The following STAU1 variants were observed in gnomAD, a reference collection of about 807,000 sequenced individuals.
STAU1 encodes the protein staufen double-stranded RNA binding protein 1.
A neutral mutation model predicts 62.9 loss-of-function variants in STAU1; 13 were observed. The observed-to-expected ratio is 0.21, with a 90% confidence interval of 0.13 to 0.33. The LOEUF is 0.33. Among genes scored for constraint, STAU1 ranks in the 10% least tolerant of loss-of-function variants. The probability of loss-of-function intolerance (pLI) is 1.00; values close to 1 mark genes in which losing one functional copy is unlikely to be tolerated. For synonymous variants in STAU1, 269 were observed against 265.1 expected (o/e 1.01, Z -0.14); for missense variants, 571 against 712.1 (o/e 0.80, Z 2.25).
intron 5 of STAU1, among the ~76,000 whole-genome samples, chr20:49,147,367 G>C (rs2093151566): frequency 6.6e-6 from 1 of 152,236 alleles, no homozygotes; most frequent in African/African-American, 2.4e-5. Context: ...CTGCCCTGTA[G>C]ACAGCAAGCG....
At chr20:49,129,390 C>A (rs1031502633) in intron 6 of STAU1, among the ~76,000 whole-genome samples, 1 of 139,524 alleles carries the variant, frequency 7.2e-6, no homozygotes, top group Non-Finnish European at 1.5e-5. Context: ...TGGGTTCAAG[C>A]GTTTCTCCTC....
intron 3 of STAU1, among the ~76,000 whole-genome samples, chr20:49,157,137 A>G (rs1347198517): frequency 6.6e-6 from 1 of 152,126 alleles, no homozygotes; most frequent in East Asian, 1.9e-4. Flanking sequence ...TCAGTCTCCC[A>G]AAGTGCTGGG....
chr20:49,142,929 A>T (rs1759763069), intron 5 of STAU1, among the ~76,000 whole-genome samples: 1 of 151,974 alleles, frequency 6.6e-6, no homozygotes, highest in South Asian at 2.1e-4. Context: ...CAGCCTCCTC[A>T]TTAGCTGAGA....
At chr20:49,144,644 T>A (rs2093084480) in intron 5 of STAU1, among the ~76,000 whole-genome samples, 1 of 152,190 alleles carries the variant, frequency 6.6e-6, no homozygotes, top group Non-Finnish European at 1.5e-5. Flanking sequence ...AATTCTGGAT[T>A]CTCACCTGGG....
chr20:49,163,301 C>CA (rs2093477306), intron 3 of STAU1, among the ~76,000 whole-genome samples: 1 of 150,636 alleles, frequency 6.6e-6, no homozygotes, highest in South Asian at 2.1e-4. Context: ...TCCCCACTCC[C>CA]TTTTTTTTTC....
the STAU1 span, among the ~76,000 whole-genome samples, chr20:49,203,308 C>T: frequency 3.3e-5 from 5 of 152,046 alleles, no homozygotes; most frequent in East Asian, 1.9e-4. Context: ...GCCTTTAGTC[C>T]GAGCTATTAG....
At chr20:49,125,832 G>T (rs143761731) in intron 6 of STAU1, among the ~76,000 whole-genome samples, 31 of 152,090 alleles carry the variant, frequency 2.0e-4, no homozygotes, top group Middle Eastern at 3.4e-3. Context: ...GACAGAGTGG[G>T]ACTCCGTCTC....
chr20:49,142,875 T>A (rs1023995148), intron 5 of STAU1, among the ~76,000 whole-genome samples: 10 of 152,192 alleles, frequency 6.6e-5, no homozygotes, highest in African/African-American at 2.4e-4. Flanking sequence ...TAATCAGAGC[T>A]CACTGCGGCC....
At chr20:49,177,805 AAG>A (rs199515885) in intron 1 of STAU1, among the ~76,000 whole-genome samples, 22 of 151,430 alleles carry the variant, frequency 1.5e-4, no homozygotes, top group Admixed American at 2.6e-4. Flanking sequence ...GCAAAGAAAG[AAG>A]AGAGAGAGAG....
At chr20:49,204,440 C>T in the STAU1 span, among the ~76,000 whole-genome samples, 2 of 151,154 alleles carry the variant, frequency 1.3e-5, no homozygotes, top group African/African-American at 4.9e-5. Context: ...ATTTTCAGTG[C>T]TATACAGTAT....
At chr20:49,130,219 T>C (rs2092722036) in intron 6 of STAU1, among the ~76,000 whole-genome samples, 1 of 152,104 alleles carries the variant, frequency 6.6e-6, no homozygotes, top group Non-Finnish European at 1.5e-5. Context: ...AAAGGCAATA[T>C]ACTCTATTTT....
At chr20:49,125,071 TA>T (rs11473077) in intron 6 of STAU1, among the ~76,000 whole-genome samples, 31,524 of 83,586 alleles carry the variant, frequency 0.38, 5,110 homozygotes, top group African/African-American at 0.49. Flanking sequence ...ACACATTAAG[TA>T]AAAAAAAAAA....
the STAU1 span, among the ~76,000 whole-genome samples, chr20:49,201,552 G>A: frequency 3.3e-5 from 5 of 151,764 alleles, no homozygotes; most frequent in African/African-American, 1.2e-4. Flanking sequence ...GAGCACCCTG[G>A]CCAATATGGC....
In STAU1 at chr20:49,154,038, A is replaced by C; in HGVS notation, c.239T>G (p.Leu80Arg). Residue 80 changes from leucine to arginine, a missense_variant, in exon 4 of 14, where the codon CTG becomes CGG. By Grantham distance (102) the Leu-to-Arg change is moderately radical. Coordinates refer to ENST00000371856, the MANE Select transcript of STAU1 (RefSeq NM_017453.4). The part of the protein sequence containing the change: ...SITPTVELNA[L>R]CMKLGKKPMY... Reference sequence around the variant, plus strand: ...TGGTTTTTTTCCAAGTTTCATGCACAGTGCATTTAGTTCTACAGTAGGGGT... The same window carrying C: ...TGGTTTTTTTCCAAGTTTCATGCACCGTGCATTTAGTTCTACAGTAGGGGT... 1 of 1,610,850 alleles carries C rather than the reference A, an allele frequency of 6.2e-7. No individual in the cohort carries two copies. The highest frequency in any genetic ancestry group is 8.5e-7 in the Non-Finnish European group (1 of 1,179,252).
At chr20:49,183,643 T>A (rs1250263643) in intron 1 of STAU1, among the ~76,000 whole-genome samples, 1 of 152,198 alleles carries the variant, frequency 6.6e-6, no homozygotes. Flanking sequence ...TGAAGCAGTA[T>A]CCATTTTGAT....
the STAU1 span, among the ~76,000 whole-genome samples, chr20:49,216,761 G>A: frequency 6.6e-6 from 1 of 152,078 alleles, no homozygotes; most frequent in Non-Finnish European, 1.5e-5. Context: ...GTAGGCTGGG[G>A]GTGAAAGTTG....
chr20:49,126,588 C>CAAAAAAAAAAAACAAAAAAAAAAAAAAA, intron 6 of STAU1, among the ~76,000 whole-genome samples: 1 of 56,348 alleles, frequency 1.8e-5, no homozygotes, highest in Non-Finnish European at 3.7e-5. Context: ...AAAAAAAAAA[C>CAAAAAAAAAAAACAAAAAAAAAAAAAAA]AAAAAAAAAA....
intron 5 of STAU1, among the ~76,000 whole-genome samples, chr20:49,137,292 T>G (rs936544930): frequency 2.0e-5 from 3 of 152,150 alleles, no homozygotes; most frequent in Non-Finnish European, 4.4e-5. Context: ...TAAAGTCTCC[T>G]CAACAAAGGC....
In STAU1 at chr20:49,124,435, G is replaced by A. The variant is rs745887644; in HGVS notation, c.762C>T (p.Pro254=). Reference sequence around the variant, plus strand: ...GCTTTACTCGTTCAACTGCAGGCAGGGGCGGTAACTTCTTCAGCTCCTCAA... The same window carrying A: ...GCTTTACTCGTTCAACTGCAGGCAGAGGCGGTAACTTCTTCAGCTCCTCAA... ...AVLEELKKLP[P]LPAVERVKPR... Residue 254 remains proline (P), a synonymous_variant, in exon 7 of 14, where the codon CCC becomes CCT. Transcript: ENST00000371856. 1 of 1,614,152 alleles carries A rather than the reference G, an allele frequency of 6.2e-7. No individual in the cohort carries two copies.
Sources: allele counts gnomAD v4.1 joint callset (sites outside exome capture counted in the v4.1 genomes callset), GRCh38; gene constraint gnomAD v4.1.1; transcripts MANE v1.5; gene names NCBI Gene and HGNC (gene_info 2026-07-23, HGNC 2026-07-21).